Variants in FAM135B observed in about 807,000 individuals in gnomAD.
FAM135B encodes protein FAM135B.
FAM135B carries 43 observed loss-of-function variants against 127.7 expected under a neutral mutation model. The observed-to-expected ratio is 0.34, with a 90% CI of 0.26 to 0.43. The LOEUF is 0.43. Ranked by LOEUF, FAM135B falls within the 20% of genes least tolerant of loss-of-function variation. The pLI, the probability that FAM135B is intolerant of heterozygous loss-of-function variation, is 1.00. For missense variants in FAM135B, 1,558 were observed against 1,725.6 expected, an observed-to-expected ratio of 0.90 and a Z score of 1.72; for synonymous variants, 670 against 665.1, an observed-to-expected ratio of 1.01 and a Z score of -0.11.
chr8:138,218,320 T>C (rs1818729435), intron 7 of FAM135B, among the ~76,000 whole-genome samples: 1 of 152,166 alleles, frequency 6.6e-6, no homozygotes, highest in South Asian at 2.1e-4. Flanking sequence ...TTATTCAATA[T>C]TTACCATAAG....
chr8:138,413,736 ACT>A (rs1049115069), intron 1 of FAM135B, among the ~76,000 whole-genome samples: 12 of 151,612 alleles, frequency 7.9e-5, no homozygotes, highest in Non-Finnish European at 1.6e-4. Flanking sequence ...TGGAATAAAA[ACT>A]CACACTCTTT....
chr8:138,448,054 A>C (rs1343312289), intron 1 of FAM135B, among the ~76,000 whole-genome samples: 1 of 151,942 alleles, frequency 6.6e-6, no homozygotes, highest in African/African-American at 2.4e-5. Context: ...CTAAGGAAAA[A>C]AAATAAGAAA....
intron 3 of FAM135B, among the ~76,000 whole-genome samples, chr8:138,297,115 C>T (rs972856219): frequency 1.3e-5 from 2 of 152,152 alleles, no homozygotes; most frequent in African/African-American, 4.8e-5. Flanking sequence ...TGCATCATGT[C>T]ACGTGATCAG....
At chr8:138,214,696 C>T (rs1000165540) in intron 7 of FAM135B, among the ~76,000 whole-genome samples, 39 of 151,894 alleles carry the variant, frequency 2.6e-4, no homozygotes, top group African/African-American at 8.5e-4. Context: ...AAGGAAAAAC[C>T]TACTGCGGAA....
intron 5 of FAM135B, among the ~76,000 whole-genome samples, chr8:138,252,939 A>G (rs540628653): frequency 8.2e-4 from 125 of 152,274 alleles, no homozygotes; most frequent in African/African-American, 2.9e-3. Flanking sequence ...AGCTGGGATT[A>G]CAAGTGTGCA....
At chr8:138,160,686 C>T (rs1331914076) in intron 12 of FAM135B, among the ~76,000 whole-genome samples, 1 of 152,032 alleles carries the variant, frequency 6.6e-6, no homozygotes, top group Non-Finnish European at 1.5e-5. Context: ...GCGTGAGCCA[C>T]CACACCCAGC....
At chr8:138,487,351 A>G (rs1010427388) in intron 1 of FAM135B, among the ~76,000 whole-genome samples, 12 of 151,696 alleles carry the variant, frequency 7.9e-5, no homozygotes, top group Admixed American at 6.6e-5. Flanking sequence ...CCATGGGACT[A>G]CTTTTTTTTT....
chr8:138,359,382 A>G (rs1461100595), intron 2 of FAM135B, among the ~76,000 whole-genome samples: 1 of 152,168 alleles, frequency 6.6e-6, no homozygotes, highest in Non-Finnish European at 1.5e-5. Context: ...GGAATGATGC[A>G]TTAAATCCAC....
chr8:138,447,576 T>C (rs1836250173), intron 1 of FAM135B, among the ~76,000 whole-genome samples: 1 of 151,862 alleles, frequency 6.6e-6, no homozygotes, highest in East Asian at 1.9e-4. Context: ...ACACTGCATG[T>C]TCTCACTCAT....
At position 138,374,872 on chromosome 8, in the gene FAM135B, G is replaced by A. The variant is rs930668239; in HGVS notation, c.-19-6870C>T. On this transcript the variant is annotated intron_variant, in intron 1 of 19. Transcript: ENST00000395297. ...TGCATCATGCTTAGGAGGAGGGCAG[G>A]ACATGATTCAGATCTCCATCCACAG... Among the ~76,000 whole-genome samples the A allele has an allele frequency of 2.6e-5, 4 of 152,160 alleles. No individual in the cohort carries two copies. In the South Asian group the frequency reaches 8.3e-4, roughly 32 times the overall value.
intron 1 of FAM135B, among the ~76,000 whole-genome samples, chr8:138,406,852 G>T (rs1442331305): frequency 6.6e-6 from 1 of 151,256 alleles, no homozygotes; most frequent in Non-Finnish European, 1.5e-5. Context: ...ACTGGCACAA[G>T]ACAGGGATGC....
At chr8:138,377,934 G>A in intron 1 of FAM135B, among the ~76,000 whole-genome samples, 1 of 152,178 alleles carries the variant, frequency 6.6e-6, no homozygotes, top group African/African-American at 2.4e-5. Flanking sequence ...CAGTGTTCCA[G>A]GCAAACAATC....
At chr8:138,447,488 G>A (rs1177243219) in intron 1 of FAM135B, among the ~76,000 whole-genome samples, 1 of 152,166 alleles carries the variant, frequency 6.6e-6, no homozygotes, top group Non-Finnish European at 1.5e-5. Flanking sequence ...AAAATGATGA[G>A]TTCATGTCCT....
At chr8:138,466,540 C>T (rs544746886) in intron 1 of FAM135B, among the ~76,000 whole-genome samples, 8 of 152,220 alleles carry the variant, frequency 5.3e-5, no homozygotes, top group Non-Finnish European at 2.9e-5. Context: ...ATGATGCTTT[C>T]GTGGAAGAGT....
chr8:138,442,236 C>CTAT (rs1564005402), intron 1 of FAM135B, among the ~76,000 whole-genome samples: 260 of 13,128 alleles, frequency 0.02, 9 homozygotes, highest in African/African-American at 0.073. Flanking sequence ...AATATGGACA[C>CTAT]CATATATATA....
intron 1 of FAM135B, among the ~76,000 whole-genome samples, chr8:138,392,556 ACAGAGTCTAGCTACTCTGTCGGGATT>A (rs1324538707): frequency 1.2e-4 from 18 of 152,170 alleles, no homozygotes; most frequent in African/African-American, 4.1e-4. Flanking sequence ...CCTTTAAGTC[ACAGAGTCTAGCTACTCTGTCGGGATT>A]TTTCTAAGTC....
chr8:138,411,379 A>T (rs565036369), intron 1 of FAM135B, among the ~76,000 whole-genome samples: 9 of 152,138 alleles, frequency 5.9e-5, no homozygotes, highest in Admixed American at 3.3e-4. Flanking sequence ...AAAACAAGCA[A>T]CGGGGAAAGG....
At chr8:138,236,694 A>T (rs1203249233) in intron 7 of FAM135B, among the ~76,000 whole-genome samples, 1 of 152,262 alleles carries the variant, frequency 6.6e-6, no homozygotes, top group Non-Finnish European at 1.5e-5. Context: ...CATGCACATA[A>T]GTGGCTTACC....
rs1472851085 is a variant in FAM135B, at chr8:138,190,107, C to T, written c.873+5151G>A. Among the ~76,000 whole-genome samples the T allele has an allele frequency of 2.6e-5, 4 of 152,280 alleles. No homozygotes were observed. In the East Asian group the frequency reaches 7.7e-4, roughly 29 times the overall value. ...CCCTTGCAACTTATCTTCATACCTT[C>T]GTACTTTAATAAACCTGCCTTTCTT... is the stretch of plus-strand genomic sequence containing the variant. On this transcript the variant is annotated intron_variant, in intron 9 of 19. Coordinates refer to ENST00000395297, the MANE Select transcript of FAM135B (RefSeq NM_015912.4).
Sources: allele counts gnomAD v4.1 joint callset (sites outside exome capture counted in the v4.1 genomes callset), GRCh38; gene constraint gnomAD v4.1.1; transcripts MANE v1.5; gene names NCBI Gene and HGNC (gene_info 2026-07-23, HGNC 2026-07-21).